LPXN: variants seen among roughly 807,000 people sequenced by gnomAD.
LPXN encodes the protein leupaxin.
A neutral mutation model predicts 45.6 loss-of-function variants in LPXN; 28 were observed. The observed-to-expected ratio is 0.61, with a 90% CI of 0.45 to 0.84. The LOEUF (loss-of-function observed/expected upper bound fraction) is 0.84. LPXN is among the 40% of genes least tolerant of loss of function. The pLI is 0.00. For missense variants in LPXN, 459 were observed against 475.0 expected (o/e 0.97, Z 0.31); for synonymous variants, 166 against 169.9 (o/e 0.98, Z 0.18).
intron 7 of LPXN, among the ~76,000 whole-genome samples, chr11:58,547,128 AAG>A (rs1853898797): frequency 6.6e-6 from 1 of 152,230 alleles, no homozygotes; most frequent in African/African-American, 2.4e-5. Flanking sequence ...GTCTGGCTGA[AAG>A]AGCCTATGGC....
intron 7 of LPXN, among the ~76,000 whole-genome samples, chr11:58,541,939 G>T (rs1242095511): frequency 6.6e-6 from 1 of 150,418 alleles, no homozygotes; most frequent in East Asian, 2.0e-4. Context: ...CTATCTCAAG[G>T]ACAAAAAACC....
intron 1 of LPXN, among the ~76,000 whole-genome samples, chr11:58,571,671 T>A (rs997628892): frequency 6.6e-6 from 1 of 150,946 alleles, no homozygotes; most frequent in African/African-American, 2.4e-5. Context: ...TTCTTTTTTT[T>A]TTTTTGGAAA....
chr11:58,530,742 C>T (rs531054239), intron 7 of LPXN, among the ~76,000 whole-genome samples: 5 of 152,300 alleles, frequency 3.3e-5, no homozygotes, highest in South Asian at 2.1e-4. Context: ...CTGTGGCCCC[C>T]GTGTCTCCTG....
At chr11:58,570,824 T>C (rs1854672459) in intron 1 of LPXN, 111 bp from the exon 2 acceptor site, 4 of 737,868 alleles carry the variant, frequency 5.4e-6, no homozygotes, top group South Asian at 6.3e-5. Flanking sequence ...TCTTCAATTA[T>C]GGCTATTTTC....
At chr11:58,571,112 C>T (rs148426712) in intron 1 of LPXN, among the ~76,000 whole-genome samples, 34 of 152,128 alleles carry the variant, frequency 2.2e-4, no homozygotes, top group African/African-American at 6.0e-4. Flanking sequence ...AAGGCTGAGG[C>T]GGGAGGATCC....
chr11:58,555,563 A>C (rs920936593), intron 3 of LPXN, among the ~76,000 whole-genome samples: 23 of 152,216 alleles, frequency 1.5e-4, no homozygotes, highest in African/African-American at 3.9e-4. Flanking sequence ...ATACAAAGTA[A>C]AGCTCAATAA....
chr11:58,539,485 G>A (rs1025624805), intron 7 of LPXN, among the ~76,000 whole-genome samples: 1 of 152,126 alleles, frequency 6.6e-6, no homozygotes, highest in Non-Finnish European at 1.5e-5. Context: ...AGTTAGGCCT[G>A]ATATATCTTG....
chr11:58,568,094 G>A (rs1198467773), intron 2 of LPXN, among the ~76,000 whole-genome samples: 5 of 152,130 alleles, frequency 3.3e-5, no homozygotes, highest in African/African-American at 1.2e-4. Context: ...GGGCATGAGT[G>A]GTGGTTCACA....
intron 3 of LPXN, among the ~76,000 whole-genome samples, chr11:58,561,649 T>A (rs1200481337): frequency 6.6e-6 from 1 of 152,244 alleles, no homozygotes; most frequent in Non-Finnish European, 1.5e-5. Context: ...TGCTGCCCTA[T>A]GCCCAAATGC....
Position 58,573,258 on chromosome 11 carries a change from AAAAG to A in LPXN, c.13+2498_13+2501del, listed in dbSNP as rs1361164958. On this transcript the variant is annotated intron_variant, in intron 1 of 8. Transcript: ENST00000395074. ...CAAAACTCCGTCTCAAAAAAAAAAA[AAAAG>A]AAAAGAAAAGAAAGAAAAAGAAAAG... Among the ~76,000 whole-genome samples the A allele has an allele frequency of 5.3e-5, 8 of 151,692 alleles. No individual in the cohort carries two copies. In the South Asian group the frequency reaches 1.7e-3, roughly 31 times the overall value.
At position 58,531,732 on chromosome 11, in the gene LPXN, G is replaced by A. The variant is rs150013479; in HGVS notation, c.743-3541C>T. Among the ~76,000 whole-genome samples, 271 of 152,310 alleles carry A rather than the reference G, an allele frequency of 1.8e-3. 5 individuals carry two copies. The East Asian group carries it at 0.049, about 27-fold the overall frequency. On this transcript the variant is annotated intron_variant, in intron 7 of 8. Transcript: ENST00000395074. ...ACACCACAAAGATACTCCTCAAGAA[G>A]AGCAACCCCAAGACACATAATCATC...
rs148954280 is a variant in LPXN at position 58,528,081 on chromosome 11, T to C, written c.853A>G (p.Met285Val). ...RPVLENYLSA[M>V]DTVWHPECFV... ...CACTCTGGGTGCCAGACAGTGTCCATGGCTGAAAGGTAGTTTTCCAACACT... is the reference window on the plus strand; with the variant it reads ...CACTCTGGGTGCCAGACAGTGTCCACGGCTGAAAGGTAGTTTTCCAACACT... The change falls in exon 8 of 9, where the codon ATG (methionine) becomes GTG (valine). Residue 285 changes from methionine to valine, a missense_variant. Physicochemically the swap from Met to Val is conservative, Grantham distance 21. Coordinates refer to ENST00000395074, the MANE Select transcript of LPXN (RefSeq NM_004811.3). 78 of 1,614,234 alleles carry C rather than the reference T, an allele frequency of 4.8e-5. No homozygotes were observed. Among genetic ancestry groups the C allele is most frequent in the Non-Finnish European group, 6.5e-5 (77 of 1,180,032 alleles).
At position 58,527,221 on chromosome 11, in the gene LPXN, G is replaced by C. The variant is rs1853250740; in HGVS notation, c.*233C>G. 2.0e-6 allele frequency: 1 copy of C among 490,656 alleles called. No homozygotes were observed. The highest frequency in any genetic ancestry group is 3.7e-6 in the Non-Finnish European group (1 of 272,100). The allele number at this position is 490,656 out of a possible 1,614,324, so 30.4% of individuals were successfully genotyped here. ...GACCTAGATCTAACTCCAAGTGCTT[G>C]ATTGGAGAAGAGAGGGAGAAAGAGA... On this transcript the variant is annotated 3_prime_UTR_variant, in exon 9 of 9. Coordinates refer to ENST00000395074, the MANE Select transcript of LPXN (RefSeq NM_004811.3).
intron 3 of LPXN, among the ~76,000 whole-genome samples, chr11:58,562,800 T>C (rs955973853): frequency 3.0e-5 from 2 of 67,694 alleles, no homozygotes; most frequent in Admixed American, 2.0e-4. Context: ...CCTGTGGAAA[T>C]AGAGCGACTT....
At chr11:58,533,631 C>A (rs1017762710) in intron 7 of LPXN, among the ~76,000 whole-genome samples, 2 of 152,146 alleles carry the variant, frequency 1.3e-5, no homozygotes, top group African/African-American at 2.4e-5. Context: ...TCAAAATAAC[C>A]AGCTAGCATC....
chr11:58,535,392 A>G (rs2120213845), intron 7 of LPXN, among the ~76,000 whole-genome samples: 1 of 152,338 alleles, frequency 6.6e-6, no homozygotes. Flanking sequence ...AACATAATCC[A>G]TCTCATAAAC....
intron 3 of LPXN, among the ~76,000 whole-genome samples, chr11:58,556,114 G>A (rs542690633): frequency 6.6e-6 from 1 of 152,134 alleles, no homozygotes; most frequent in East Asian, 1.9e-4. Context: ...GTGCATGTGT[G>A]AAGAGAGAAG....
rs147936650 is a variant in LPXN at position 58,567,000 on chromosome 11, CTGTGTG to C, written c.172-2805_172-2800del. 7.0e-3 allele frequency among the ~76,000 whole-genome samples: 1,038 copies of C among 149,342 alleles called. 7 individuals are homozygous for C. Among genetic ancestry groups the C allele is most frequent in the Non-Finnish European group, 0.012 (772 of 67,058 alleles). ...TTTGTAGATCAGTTACTTATAAAAT[CTGTGTG>C]TGTGTGTGTGTGTGTGTATATATAT... On this transcript the variant is annotated intron_variant, in intron 2 of 8. Transcript: ENST00000395074.
chr11:58,532,142 T>C (rs1162402910), intron 7 of LPXN, among the ~76,000 whole-genome samples: 2 of 152,200 alleles, frequency 1.3e-5, no homozygotes, highest in Non-Finnish European at 2.9e-5. Context: ...CTGGCCCACC[T>C]GTGTCATGCT....
Sources: allele counts gnomAD v4.1 joint callset (sites outside exome capture counted in the v4.1 genomes callset), GRCh38; gene constraint gnomAD v4.1.1; transcripts MANE v1.5; gene names NCBI Gene and HGNC (gene_info 2026-07-23, HGNC 2026-07-21).